Variants in DDX50 observed in about 807,000 individuals in gnomAD.
DDX50 encodes the protein DExD-box helicase 50.
DDX50 carries 56 observed loss-of-function variants against 94.8 expected under a neutral mutation model. That is an observed-to-expected ratio of 0.59 (90% CI 0.48 to 0.74). The LOEUF (loss-of-function observed/expected upper bound fraction) is 0.74. Among genes scored for constraint, DDX50 ranks in the 30% least tolerant of loss-of-function variants. The pLI is 0.00. For synonymous variants in DDX50, 264 were observed against 295.4 expected (o/e 0.89, Z 1.09); for missense variants, 713 against 881.2 (o/e 0.81, Z 2.42).
intron 12 of DDX50, 111 bp from the exon 13 acceptor site, chr10:68,940,949 C>A: frequency 7.1e-7 from 1 of 1,410,570 alleles, no homozygotes; most frequent in Non-Finnish European, 9.4e-7. Flanking sequence ...CAATGTTATA[C>A]TTTTGGCTCA....
At chr10:68,943,972 A>G (rs1179614547) in intron 14 of DDX50, among the ~76,000 whole-genome samples, 4 of 152,174 alleles carry the variant, frequency 2.6e-5, no homozygotes, top group African/African-American at 9.6e-5. Context: ...TTCAACAATT[A>G]TCAGTTCATA....
intron 7 of DDX50, among the ~76,000 whole-genome samples, 185 bp downstream of exon 7, chr10:68,914,389 A>T (rs538201981): frequency 3.9e-5 from 6 of 152,346 alleles, no homozygotes; most frequent in East Asian, 1.9e-4. Flanking sequence ...ATAGGGGGAA[A>T]AAAAGCACGT....
At position 68,901,457 on chromosome 10, in the gene DDX50, A is replaced by G; in HGVS notation, c.73A>G (p.Lys25Glu). The change falls in exon 1 of 15, where the codon AAG (lysine) becomes GAG (glutamate). Residue 25 changes from lysine (K) to glutamate (E), a missense_variant. By Grantham distance (56) the Lys-to-Glu change is moderately conservative (BLOSUM62 1). Coordinates refer to ENST00000373585, the MANE Select transcript of DDX50 (RefSeq NM_024045.2). ...CTTGGAGGAGTCCGAGAGCCAGAAG[A>G]AGGAGAGGCAAAAGGTGCGCTGAGC... Reference protein sequence around the residue: ...APLEESESQKKERQKSDRRKS... With the variant: ...APLEESESQKEERQKSDRRKS... 3 of 1,572,124 alleles carry G rather than the reference A, an allele frequency of 1.9e-6. No individual in the cohort carries two copies. The highest frequency in any genetic ancestry group is 1.2e-5 in the South Asian group (1 of 85,434).
intron 8 of DDX50, among the ~76,000 whole-genome samples, chr10:68,933,828 G>A (rs1404340310): frequency 2.0e-5 from 3 of 151,758 alleles, no homozygotes; most frequent in African/African-American, 7.2e-5. Context: ...CCAGCTACTC[G>A]GGAGGCTGAG....
rs114521793 is a variant in DDX50 at position 68,936,828 on chromosome 10, A to C, written c.1596-108A>C. The C allele has an allele frequency of 1.2e-3, 1,347 of 1,137,748 alleles. 1 individual carries two copies. The highest frequency in any genetic ancestry group is 1.4e-3 in the Non-Finnish European group (1,162 of 817,298). The allele number at this position is 1,137,748 out of a possible 1,614,324, so 70.5% of individuals were successfully genotyped here. A position where few individuals can be genotyped will look rare whatever the true frequency, so the allele number is the denominator to read the frequency against. On this transcript the variant is annotated intron_variant, in intron 11 of 14. Transcript: ENST00000373585. The stretch of plus-strand genomic sequence containing the variant: ...TGCGCTCCAGACTGGGTGACAGAGC[A>C]AGGCTCTATCTCAAAAAAAAAAAAT...
rs200147426 is a variant in DDX50 at position 68,926,805 on chromosome 10, A to ACACACACACT, written c.1239+6827_1239+6828insACACACTCAC. 9.4e-3 allele frequency among the ~76,000 whole-genome samples: 1,417 copies of ACACACACACT among 151,198 alleles called. 26 individuals carry two copies. The highest frequency in any genetic ancestry group is 0.033 in the African/African-American group (1,360 of 41,054). ...CACACACACACACACACACACACAC[A>ACACACACACT]CACTTTTGGAAAAAAAAATTATTCA... On this transcript the variant is annotated intron_variant, in intron 8 of 14. Transcript: ENST00000373585.
intron 8 of DDX50, among the ~76,000 whole-genome samples, chr10:68,920,966 A>C (rs549454774): frequency 0.016 from 959 of 61,530 alleles, 4 homozygotes; most frequent in Middle Eastern, 0.05. Flanking sequence ...AAAAAAAAAG[A>C]AAGGGAAAAA....
At chr10:68,919,109 G>C (rs1481290243) in intron 7 of DDX50, among the ~76,000 whole-genome samples, 1 of 152,008 alleles carries the variant, frequency 6.6e-6, no homozygotes, top group Non-Finnish European at 1.5e-5. Flanking sequence ...CCCTAGGTTT[G>C]TGTAAGTACA....
chr10:68,911,330 C>T lies in DDX50; in HGVS notation c.639+84C>T, dbSNP rs1052802713. ...TTACACGAGTCCTAAGTTCTAGTAC[C>T]CCCAAAATAGAAAAGTTAGCGCTGT... On this transcript the variant is annotated intron_variant, in intron 4 of 14. Transcript: ENST00000373585. 29 of 1,363,852 alleles carry T rather than the reference C, an allele frequency of 2.1e-5. No individual in the cohort carries two copies. The Admixed American group carries it at 3.0e-4, about 14-fold the overall frequency. 84.5% of individuals were successfully genotyped at this position (1,363,852 alleles called of 1,614,324 possible). A position where few individuals can be genotyped will look rare whatever the true frequency, so the allele number is the denominator to read the frequency against.
At chr10:68,901,564 G>C (rs1188784022) in intron 1 of DDX50, 93 bp downstream of exon 1, 1 of 1,345,338 alleles carries the variant, frequency 7.4e-7, no homozygotes, top group Non-Finnish European at 1.0e-6. Flanking sequence ...TGTCAGAACC[G>C]GGCCGGAGCA....
At chr10:68,935,581 T>TTA (rs1842384355) in intron 10 of DDX50, among the ~76,000 whole-genome samples, 1 of 152,318 alleles carries the variant, frequency 6.6e-6, no homozygotes, top group Non-Finnish European at 1.5e-5. Flanking sequence ...ACGCCTGTAA[T>TTA]CCCAGCACTT....
At chr10:68,928,165 A>T (rs1316160156) in intron 8 of DDX50, among the ~76,000 whole-genome samples, 1 of 152,092 alleles carries the variant, frequency 6.6e-6, no homozygotes, top group East Asian at 1.9e-4. Flanking sequence ...AAATAAAAAA[A>T]TTGCCTAGGT....
chr10:68,913,961 C>T (rs1841710339), intron 6 of DDX50, 98 bp from the exon 7 acceptor site: 1 of 1,215,524 alleles, frequency 8.2e-7, no homozygotes, highest in African/African-American at 1.6e-5. Flanking sequence ...CCAAGTTTTA[C>T]ATTTTTCATT....
intron 8 of DDX50, among the ~76,000 whole-genome samples, chr10:68,921,698 T>C (rs1841944504): frequency 6.6e-6 from 1 of 152,212 alleles, no homozygotes; most frequent in African/African-American, 2.4e-5. Context: ...GGAAACAGTA[T>C]CGCCTATTGA....
At chr10:68,930,554 G>A (rs1386388304) in intron 8 of DDX50, among the ~76,000 whole-genome samples, 1 of 27,146 alleles carries the variant, frequency 3.7e-5, no homozygotes, top group Non-Finnish European at 6.2e-5. Flanking sequence ...CTTGAATTCA[G>A]TTATGGTGTA....
Position 68,911,183 on chromosome 10 carries a change from C to A in DDX50, c.576C>A (p.Ala192=). 6.2e-7 allele frequency: 1 copy of A among 1,612,044 alleles called. No homozygotes were observed. Among genetic ancestry groups the A allele is most frequent in the Non-Finnish European group, 8.5e-7 (1 of 1,179,248 alleles). Residue 192 remains alanine (A), a synonymous_variant, in exon 4 of 15, where the codon GCC becomes GCA. Transcript: ENST00000373585. ...RTGTGKTFSF[A]IPLIERLQRN... is the part of the protein sequence containing the mutation. ...GAACAGGAAAGACATTCTCTTTTGCCATCCCCTTAATTGAAAGACTCCAAA... is the reference window on the plus strand; with the variant it reads ...GAACAGGAAAGACATTCTCTTTTGCAATCCCCTTAATTGAAAGACTCCAAA...
intron 8 of DDX50, 93 bp downstream of exon 8, chr10:68,920,074 G>A: frequency 1.3e-6 from 2 of 1,492,734 alleles, no homozygotes; most frequent in Non-Finnish European, 1.8e-6. Context: ...AGATTTGATA[G>A]TCATTCTCAA....
At position 68,908,265 on chromosome 10, in the gene DDX50, G is replaced by A. The variant is rs559802381; in HGVS notation, c.384+1258G>A. On this transcript the variant is annotated intron_variant, in intron 2 of 14. Coordinates refer to ENST00000373585, the MANE Select transcript of DDX50 (RefSeq NM_024045.2). ...CAGGAGTTCCAAGACCAGCCTGACC[G>A]ACATGGTGAAACCTGTCTCTACTAA... Among the ~76,000 whole-genome samples, 75 of 152,076 alleles carry A rather than the reference G, an allele frequency of 4.9e-4. 2 individuals carry two copies. In the South Asian group the frequency reaches 0.014, roughly 28 times the overall value.
chr10:68,934,447 AAT>A lies in DDX50; in HGVS notation c.1401+90_1401+91del. The A allele has an allele frequency of 1.3e-6, 2 of 1,555,518 alleles. No homozygotes were observed. Among genetic ancestry groups the A allele is most frequent in the Non-Finnish European group, 1.7e-6 (2 of 1,148,016 alleles). ...ACAACATATTGCTTGGGATGTGAAA[AAT>A]ATGTCATCTCTTCTTGCTCTTAGCC... is the stretch of plus-strand genomic sequence containing the variant. On this transcript the variant is annotated intron_variant, in intron 9 of 14. Coordinates refer to ENST00000373585, the MANE Select transcript of DDX50 (RefSeq NM_024045.2). This position sits in a 1 kb window ranked among gnomAD's most constrained non-coding sequence, Gnocchi z 4.0.
Sources: allele counts gnomAD v4.1 joint callset (sites outside exome capture counted in the v4.1 genomes callset), GRCh38; gene constraint gnomAD v4.1.1; non-coding constraint Gnocchi (gnomAD v3.1); transcripts MANE v1.5; gene names NCBI Gene and HGNC (gene_info 2026-07-23, HGNC 2026-07-21).